ZMYND12: variants seen among roughly 807,000 people sequenced by gnomAD.
ZMYND12 encodes the protein zinc finger MYND-type containing 12.
In ZMYND12, 32 loss-of-function variants were observed where a neutral mutation model predicts 41.7. The ratio of observed to expected loss-of-function variants is 0.77; its 90% CI spans 0.58 to 1.03. The LOEUF (loss-of-function observed/expected upper bound fraction) is 1.03, where lower values mean the gene tolerates loss of function less well. Ranked by LOEUF, ZMYND12 falls within the 50% of genes least tolerant of loss-of-function variation. The pLI is 0.00. For missense variants in ZMYND12, 424 were observed against 438.5 expected, an observed-to-expected ratio of 0.97 and a Z score of 0.30; for synonymous variants, 148 against 164.8, an observed-to-expected ratio of 0.90 and a Z score of 0.78.
rs200378324 is a variant in ZMYND12 at position 42,455,970 on chromosome 1, G to A, written c.28C>T (p.Pro10Ser). The A allele has an allele frequency of 4.0e-5, 65 of 1,613,376 alleles. No homozygotes were observed. The Admixed American group carries it at 1.1e-3, about 26-fold the overall frequency. ...TCACAGCAGAGTCTGCGCCCCTTGG[G>A]GACTGCCAGTGGGTAGATCACATTC... MNVIYPLAV[P>S]KGRRLCCEVC... The change falls in exon 1 of 8, where the codon CCC becomes TCC. Residue 10 changes from proline to serine, a missense_variant. Coordinates refer to ENST00000372565, the MANE Select transcript of ZMYND12 (RefSeq NM_032257.5).
In ZMYND12 at chr1:42,441,364, A is replaced by G. The variant is rs1023989488; in HGVS notation, c.425-1339T>C. Among the ~76,000 whole-genome samples the G allele has an allele frequency of 2.6e-5, 4 of 152,342 alleles. No homozygotes were observed. In the East Asian group the frequency reaches 5.8e-4, roughly 22 times the overall value. On this transcript the variant is annotated intron_variant, in intron 3 of 7. Transcript: ENST00000372565. Reference sequence around the variant, plus strand: ...TAGAACTATATAGAGTCACAGCTGCAGGGAACTGGTTCCAGAACCCCCATC... The same window carrying G: ...TAGAACTATATAGAGTCACAGCTGCGGGGAACTGGTTCCAGAACCCCCATC...
At chr1:42,449,849 G>A in intron 2 of ZMYND12, 69 bp downstream of exon 2, 1 of 1,581,484 alleles carries the variant, frequency 6.3e-7, no homozygotes, top group Admixed American at 1.7e-5. Context: ...TCCCAACACA[G>A]TTCGAGCCTT....
In ZMYND12 at chr1:42,455,879, A is replaced by T; in HGVS notation, c.110+9T>A. The T allele has an allele frequency of 1.2e-6, 2 of 1,602,344 alleles. No individual in the cohort carries two copies. The highest frequency in any genetic ancestry group is 1.7e-6 in the Non-Finnish European group (2 of 1,171,878). On this transcript the variant is annotated intron_variant, in intron 1 of 7. Transcript: ENST00000372565. ...TTATAGCGCCCAGGTGCCACGTTTC[A>T]GGGCCTACCAGTAATAAGTGACTGT...
intron 1 of ZMYND12, among the ~76,000 whole-genome samples, chr1:42,455,265 G>A (rs1643145925): frequency 6.6e-6 from 1 of 152,074 alleles, no homozygotes; most frequent in African/African-American, 2.4e-5. Context: ...CTTCCACAGG[G>A]AAAGCTTTCC....
chr1:42,448,590 C>T lies in ZMYND12; in HGVS notation c.301G>A (p.Glu101Lys), dbSNP rs1327882546. The change falls in exon 3 of 8, where the codon GAA becomes AAA. Residue 101 changes from glutamate to lysine, a missense_variant. Glu to Lys is a moderately conservative substitution (Grantham distance 56, BLOSUM62 1). Transcript: ENST00000372565. ...GGTACAGCATCTTCGTGTTTCCCTTCAAAGAGGTATTTCTGGGCTATGGTG... is the reference window on the plus strand; with the variant it reads ...GGTACAGCATCTTCGTGTTTCCCTTTAAAGAGGTATTTCTGGGCTATGGTG... ...CYTIAQKYLF[E>K]GKHEDAVPAA... 1 of 1,613,568 alleles carries T rather than the reference C, an allele frequency of 6.2e-7. No individual in the cohort carries two copies. The highest frequency in any genetic ancestry group is 1.7e-5 in the Admixed American group (1 of 59,950).
chr1:42,435,710 T>C (rs930290701), intron 5 of ZMYND12, among the ~76,000 whole-genome samples: 2 of 152,252 alleles, frequency 1.3e-5, no homozygotes, highest in Non-Finnish European at 2.9e-5. Context: ...ATTCTTATTA[T>C]TCCCATTTTA....
chr1:42,453,278 A>C (rs1242069520), intron 1 of ZMYND12, among the ~76,000 whole-genome samples: 2 of 152,228 alleles, frequency 1.3e-5, no homozygotes, highest in Non-Finnish European at 2.9e-5. Context: ...AGATAAGGGC[A>C]TAGAAGATGA....
intron 1 of ZMYND12, among the ~76,000 whole-genome samples, chr1:42,450,776 T>C (rs188175865): frequency 6.6e-6 from 1 of 152,332 alleles, no homozygotes; most frequent in East Asian, 1.9e-4. Context: ...ATCTAAGTTT[T>C]AGTATGTTGT....
intron 7 of ZMYND12, among the ~76,000 whole-genome samples, chr1:42,431,981 G>T (rs1642857948): frequency 6.6e-6 from 1 of 151,760 alleles, no homozygotes; most frequent in African/African-American, 2.4e-5. Flanking sequence ...CACAAAAAGG[G>T]CTCCCTCCAA....
Position 42,441,598 on chromosome 1 carries a change from C to T in ZMYND12, c.425-1573G>A, listed in dbSNP as rs369326008. Among the ~76,000 whole-genome samples the T allele has an allele frequency of 6.7e-5, 10 of 148,308 alleles. No individual in the cohort carries two copies. The East Asian group carries it at 1.6e-3, about 24-fold the overall frequency. On this transcript the variant is annotated intron_variant, in intron 3 of 7. Coordinates refer to ENST00000372565, the MANE Select transcript of ZMYND12 (RefSeq NM_032257.5). Reference sequence around the variant, plus strand: ...TTTTCTTTTTTTGTTTATAAGCCCACAAGTAACATCATGTATTGTTTTGTT... The same window carrying T: ...TTTTCTTTTTTTGTTTATAAGCCCATAAGTAACATCATGTATTGTTTTGTT...
chr1:42,450,474 A>G (rs1643072120), intron 1 of ZMYND12, among the ~76,000 whole-genome samples: 1 of 152,172 alleles, frequency 6.6e-6, no homozygotes. Flanking sequence ...GGTCTTTTCA[A>G]GGAGCCAACT....
intron 3 of ZMYND12, among the ~76,000 whole-genome samples, chr1:42,444,900 CG>C (rs1213094271): frequency 6.7e-6 from 1 of 149,522 alleles, no homozygotes; most frequent in Non-Finnish European, 1.5e-5. Context: ...CTCCGCCCCC[CG>C]GGTTCATGCC....
intron 6 of ZMYND12, among the ~76,000 whole-genome samples, chr1:42,434,920 A>G (rs1027196563): frequency 2.0e-5 from 3 of 152,138 alleles, no homozygotes; most frequent in African/African-American, 4.8e-5. Context: ...ATTGTCTTCC[A>G]TGAAACGGGT....
In ZMYND12 at chr1:42,430,625, A is replaced by T; in HGVS notation, c.*111T>A. 4 of 1,386,350 alleles carry T rather than the reference A, an allele frequency of 2.9e-6. No homozygotes were observed. Among genetic ancestry groups the T allele is most frequent in the Non-Finnish European group, 4.0e-6 (4 of 1,012,512 alleles). 85.9% of individuals were successfully genotyped at this position (1,386,350 alleles called of 1,614,324 possible). On this transcript the variant is annotated 3_prime_UTR_variant, in exon 8 of 8. Coordinates refer to ENST00000372565, the MANE Select transcript of ZMYND12 (RefSeq NM_032257.5). The stretch of plus-strand genomic sequence containing the variant: ...GCTATGTGTGCAATCCCAGGGGAAG[A>T]GGGTGGAAACTTCAGCAGTCTACAG...
At chr1:42,453,918 G>A (rs994041973) in intron 1 of ZMYND12, among the ~76,000 whole-genome samples, 12 of 152,136 alleles carry the variant, frequency 7.9e-5, no homozygotes, top group Non-Finnish European at 7.4e-5. Context: ...TCTAGTAAAA[G>A]ACATAGACAT....
intron 6 of ZMYND12, 54 bp from the exon 7 acceptor site, chr1:42,433,342 C>A: frequency 6.5e-7 from 1 of 1,538,592 alleles, no homozygotes; most frequent in Non-Finnish European, 8.7e-7. Flanking sequence ...TGAGTCTGCC[C>A]TCATCAAAAG....
At chr1:42,434,126 G>C (rs968764276) in intron 6 of ZMYND12, among the ~76,000 whole-genome samples, 2 of 152,096 alleles carry the variant, frequency 1.3e-5, no homozygotes, top group Admixed American at 6.5e-5. Context: ...AACATAATTT[G>C]TACTCACAGG....
chr1:42,454,369 GAAAT>G (rs1643120313), intron 1 of ZMYND12, among the ~76,000 whole-genome samples: 1 of 152,214 alleles, frequency 6.6e-6, no homozygotes, highest in Admixed American at 6.5e-5. Context: ...CCTAATGAAA[GAAAT>G]AAATAAATGA....
intron 2 of ZMYND12, 120 bp from the exon 3 acceptor site, chr1:42,448,758 T>A: frequency 1.0e-6 from 1 of 995,268 alleles, no homozygotes; most frequent in Non-Finnish European, 1.4e-6. Flanking sequence ...ATAGTGAGCC[T>A]GCCTGTATTA....
Sources: gnomAD v4.1 joint callset for allele counts (sites outside exome capture counted in the v4.1 genomes callset) on GRCh38, gnomAD v4.1.1 for gene constraint, MANE v1.5 for transcripts, NCBI Gene and HGNC (gene_info 2026-07-23, HGNC 2026-07-21) for gene names.